The following NBAS variants were observed in gnomAD, a reference collection of about 807,000 sequenced individuals.
NBAS encodes NBAS subunit of NRZ tethering complex.
A neutral mutation model predicts 302.5 loss-of-function variants in NBAS; 219 were observed. The ratio of observed to expected loss-of-function variants is 0.72; its 90% CI spans 0.65 to 0.81. The LOEUF (loss-of-function observed/expected upper bound fraction) is 0.81. Among genes scored for constraint, NBAS ranks in the 30% least tolerant of loss-of-function variants. NBAS has a pLI of 0.00. For synonymous variants in NBAS, 1,118 were observed against 1,021.6 expected (o/e 1.09, Z -1.80); for missense variants, 2,932 against 2,841.6 (o/e 1.03, Z -0.72).
the NBAS span, among the ~76,000 whole-genome samples, chr2:14,952,733 A>G: frequency 6.6e-6 from 1 of 152,226 alleles, no homozygotes; most frequent in Admixed American, 6.5e-5. Flanking sequence ...GGTCAGAAAC[A>G]CCCAGCACCC....
At chr2:15,458,306 T>C (rs1679340951) in intron 21 of NBAS, among the ~76,000 whole-genome samples, 1 of 152,192 alleles carries the variant, frequency 6.6e-6, no homozygotes, top group Non-Finnish European at 1.5e-5. Context: ...TGATTTTGCT[T>C]TGCAGTAACT....
the NBAS span, chr2:14,886,508 T>C: frequency 6.6e-6 from 1 of 152,226 alleles, no homozygotes; most frequent in Admixed American, 6.5e-5. Flanking sequence ...CGGCTATGCA[T>C]TTCCTGAAGG....
At chr2:15,040,253 C>A in the NBAS span, among the ~76,000 whole-genome samples, 3 of 152,174 alleles carry the variant, frequency 2.0e-5, no homozygotes, top group Non-Finnish European at 4.4e-5. Flanking sequence ...AACCTCGCCA[C>A]AGTCCAGCAA....
At chr2:14,944,951 C>T in the NBAS span, among the ~76,000 whole-genome samples, 10 of 152,128 alleles carry the variant, frequency 6.6e-5, no homozygotes, top group Admixed American at 6.5e-4. Flanking sequence ...GCAGGAGAAG[C>T]ATCATGAGTG....
rs942855449 is a variant in NBAS, at chr2:15,343,925, AAT to A, written c.4179+8065_4179+8066del. ...CCAGCATTAAGAAAACAAAAAGTCA[AAT>A]ATACACTGAGAGAAAAAATACTTTA... is the stretch of plus-strand genomic sequence containing the variant. On this transcript the variant is annotated intron_variant, in intron 35 of 51. Transcript: ENST00000281513. Among the ~76,000 whole-genome samples, 23 of 151,588 alleles carry A rather than the reference AAT, an allele frequency of 1.5e-4. 1 individual carries two copies. Among genetic ancestry groups the A allele is most frequent in the Admixed American group, 1.5e-3 (23 of 15,184 alleles).
the NBAS span, among the ~76,000 whole-genome samples, chr2:14,921,246 A>G: frequency 6.6e-6 from 1 of 152,132 alleles, no homozygotes; most frequent in South Asian, 2.1e-4. Context: ...CACAACATTT[A>G]TCGATTAAGT....
chr2:14,794,061 C>A, the NBAS span, among the ~76,000 whole-genome samples: 1 of 152,128 alleles, frequency 6.6e-6, no homozygotes, highest in Non-Finnish European at 1.5e-5. Flanking sequence ...AAAAAAAATT[C>A]TTCAAACAGA....
the NBAS span, among the ~76,000 whole-genome samples, chr2:14,947,951 G>A: frequency 2.6e-5 from 4 of 151,944 alleles, no homozygotes; most frequent in African/African-American, 7.2e-5. Flanking sequence ...AACCATTCTT[G>A]CATCCCTGGG....
At chr2:15,504,101 A>G in intron 11 of NBAS, 44 bp downstream of exon 11, 1 of 1,524,242 alleles carries the variant, frequency 6.6e-7, no homozygotes, top group Non-Finnish European at 9.1e-7. Context: ...CTTCAGGGTA[A>G]AAATGTTTGA....
chr2:15,098,498 T>A, the NBAS span, among the ~76,000 whole-genome samples: 1 of 120,096 alleles, frequency 8.3e-6, no homozygotes, highest in African/African-American at 3.3e-5. Context: ...GTATATAATA[T>A]GTTATATATT....
chr2:15,300,724 G>T (rs913048299), intron 40 of NBAS, among the ~76,000 whole-genome samples: 2 of 152,212 alleles, frequency 1.3e-5, no homozygotes, highest in Non-Finnish European at 2.9e-5. Flanking sequence ...ACTGAGCGGA[G>T]AGAGATGTGT....
At chr2:15,368,795 A>C (rs994589349) in intron 31 of NBAS, among the ~76,000 whole-genome samples, 1 of 152,266 alleles carries the variant, frequency 6.6e-6, no homozygotes, top group Middle Eastern at 3.4e-3. Flanking sequence ...GAAAGCTGTT[A>C]AGAGTCATCG....
At chr2:14,795,881 CT>C in the NBAS span, among the ~76,000 whole-genome samples, 4 of 152,162 alleles carry the variant, frequency 2.6e-5, no homozygotes, top group Admixed American at 1.3e-4. Context: ...AAAATTGCCC[CT>C]GATATTGAAC....
At chr2:15,554,378 C>G (rs1664543967) in intron 3 of NBAS, among the ~76,000 whole-genome samples, 1 of 151,736 alleles carries the variant, frequency 6.6e-6, no homozygotes. Flanking sequence ...TTATGTACTT[C>G]CCAGGTAACA....
At chr2:15,232,302 C>A in intron 47 of NBAS, 120 bp downstream of exon 47, 1 of 903,896 alleles carries the variant, frequency 1.1e-6, no homozygotes, top group South Asian at 1.4e-5. Flanking sequence ...CAGAGCCGCT[C>A]CTTTCCCACC....
At chr2:15,306,560 G>C (rs1034944601) in intron 40 of NBAS, among the ~76,000 whole-genome samples, 3 of 152,062 alleles carry the variant, frequency 2.0e-5, no homozygotes, top group African/African-American at 7.2e-5. Context: ...GATATGATTT[G>C]GAAGGTTGAG....
chr2:15,187,281 A>T (rs181977691), intron 49 of NBAS, among the ~76,000 whole-genome samples: 95 of 152,208 alleles, frequency 6.2e-4, no homozygotes, highest in Non-Finnish European at 3.1e-4. Flanking sequence ...TTTTCCTTGA[A>T]GAGTTGCCTT....
At chr2:15,091,663 G>C in the NBAS span, among the ~76,000 whole-genome samples, 1 of 151,980 alleles carries the variant, frequency 6.6e-6, no homozygotes, top group Non-Finnish European at 1.5e-5. Flanking sequence ...CTACAGAGTA[G>C]CTGGGATTAC....
At chr2:15,488,671 C>A (rs999474535) in intron 12 of NBAS, among the ~76,000 whole-genome samples, 2 of 152,106 alleles carry the variant, frequency 1.3e-5, no homozygotes, top group Non-Finnish European at 2.9e-5. Flanking sequence ...ACAGATTACA[C>A]TCTGTATACA....
Sources: gnomAD v4.1 joint callset for allele counts (sites outside exome capture counted in the v4.1 genomes callset) on GRCh38, gnomAD v4.1.1 for gene constraint, MANE v1.5 for transcripts, NCBI Gene and HGNC (gene_info 2026-07-23, HGNC 2026-07-21) for gene names.